The following KIAA1217 variants were observed in gnomAD, a reference collection of about 807,000 sequenced individuals.
KIAA1217 encodes KIAA1217.
A neutral mutation model predicts 163.9 loss-of-function variants in KIAA1217; 88 were observed. The observed-to-expected ratio is 0.54, with a 90% CI of 0.45 to 0.64. The LOEUF (loss-of-function observed/expected upper bound fraction) is 0.64, where lower values mean the gene tolerates loss of function less well. Ranked by LOEUF, KIAA1217 falls within the 30% of genes least tolerant of loss-of-function variation. The pLI, the probability that KIAA1217 is intolerant of heterozygous loss-of-function variation, is 0.00. For missense variants in KIAA1217, 2,372 were observed against 2,475.0 expected (o/e 0.96, Z 0.88); for synonymous variants, 903 against 923.1 (o/e 0.98, Z 0.39).
In KIAA1217 at chr10:23,796,655, G is replaced by A. The variant is rs186520209; in HGVS notation, c.-321+101421G>A. Among the ~76,000 whole-genome samples, 256 of 152,050 alleles carry A rather than the reference G, an allele frequency of 1.7e-3. 2 individuals carry two copies. The highest frequency in any genetic ancestry group is 3.8e-3 in the Admixed American group (58 of 15,228). ...TGGGATTATAGGCATGAATCACTGC[G>A]CCCGGCTGCTTTGTTTGTCTCTTAT... On this transcript the variant is annotated intron_variant, in intron 1 of 18. Transcript: ENST00000376462.
rs180879417 is a variant in KIAA1217, at chr10:24,416,792, G to A, written c.554-16203G>A. ...GCTTTGCAAGGAGGCTCAGGCACAC[G>A]TGAGTGATTTTCCTCAACTACACGG... On this transcript the variant is annotated intron_variant, in intron 3 of 20. Transcript: ENST00000376454. Among the ~76,000 whole-genome samples the A allele has an allele frequency of 1.2e-4, 19 of 152,106 alleles. 1 individual carries two copies. Among genetic ancestry groups the A allele is most frequent in the Admixed American group, 8.5e-4 (13 of 15,266 alleles).
At chr10:24,273,894 G>A (rs1046538081) in intron 2 of KIAA1217, among the ~76,000 whole-genome samples, 6 of 151,704 alleles carry the variant, frequency 4.0e-5, no homozygotes, top group African/African-American at 1.5e-4. Context: ...CAGGGATTGG[G>A]ACATCTTGCC....
intron 1 of KIAA1217, among the ~76,000 whole-genome samples, chr10:23,805,328 T>C (rs923230352): frequency 2.9e-4 from 44 of 152,204 alleles, no homozygotes; most frequent in African/African-American, 1.0e-3. Context: ...ACATGTATTA[T>C]GGACTACTGT....
chr10:23,840,696 T>C (rs1588923999), intron 1 of KIAA1217, among the ~76,000 whole-genome samples: 1 of 152,206 alleles, frequency 6.6e-6, no homozygotes, highest in African/African-American at 2.4e-5. Flanking sequence ...TTTCAGTATG[T>C]TTTAGTTGAT....
At position 24,542,955 on chromosome 10, in the gene KIAA1217, G is replaced by T; in HGVS notation, c.3685G>T (p.Ala1229Ser). Reference sequence around the variant, plus strand: ...AGGAATGGAGAATAGTATTTCTGATGCATCAAGAACATCAGAATATAAAAC... The same window carrying T: ...AGGAATGGAGAATAGTATTTCTGATTCATCAAGAACATCAGAATATAAAAC... The part of the protein sequence containing the change: ...ERGMENSISD[A>S]SRTSEYKTEI... Residue 1229 changes from alanine to serine, a missense_variant, in exon 19 of 21, where the codon GCA (alanine) becomes TCA (serine). Physicochemically the swap from Ala to Ser is moderately conservative, Grantham distance 99. Around this residue, in one of 3 missense-constraint regions of KIAA1217, gnomAD observed 251 missense variants for 327.3 expected, o/e 0.77. Coordinates refer to ENST00000376454, the MANE Select transcript of KIAA1217 (RefSeq NM_019590.5). The T allele has an allele frequency of 4.3e-6, 7 of 1,613,586 alleles. No individual in the cohort carries two copies. The highest frequency in any genetic ancestry group is 5.9e-6 in the Non-Finnish European group (7 of 1,179,624).
chr10:24,189,156 A>G (rs963108285), intron 2 of KIAA1217, among the ~76,000 whole-genome samples: 1 of 152,040 alleles, frequency 6.6e-6, no homozygotes, highest in African/African-American at 2.4e-5. Flanking sequence ...CTCACCTGGA[A>G]TCTGGGGATG....
At chr10:24,085,605 C>A (rs1424534599) in intron 2 of KIAA1217, among the ~76,000 whole-genome samples, 1 of 151,954 alleles carries the variant, frequency 6.6e-6, no homozygotes, top group Non-Finnish European at 1.5e-5. Context: ...TCTCTAGCAC[C>A]CTTGACCATG....
chr10:23,852,170 C>G (rs1023524930), intron 1 of KIAA1217, among the ~76,000 whole-genome samples: 1 of 152,156 alleles, frequency 6.6e-6, no homozygotes, highest in African/African-American at 2.4e-5. Context: ...AGTCTTTAAT[C>G]CATCTTGAAT....
At chr10:24,324,546 A>G (rs1365866293) in intron 2 of KIAA1217, among the ~76,000 whole-genome samples, 1 of 152,198 alleles carries the variant, frequency 6.6e-6, no homozygotes, top group Non-Finnish European at 1.5e-5. Flanking sequence ...CATCCTGGGC[A>G]ACAGAGCAAG....
chr10:24,462,028 GAT>G (rs1159013981), intron 5 of KIAA1217, among the ~76,000 whole-genome samples: 5 of 152,172 alleles, frequency 3.3e-5, no homozygotes, highest in African/African-American at 1.2e-4. Context: ...GCCTGTGACT[GAT>G]GATGACTTTG....
chr10:24,504,499 A>C (rs1038085399), intron 9 of KIAA1217, among the ~76,000 whole-genome samples: 2 of 152,222 alleles, frequency 1.3e-5, no homozygotes, highest in African/African-American at 4.8e-5. Flanking sequence ...TAATTAAGCT[A>C]TCTCGGCACC....
chr10:23,830,644 G>A (rs1370332902), intron 1 of KIAA1217, among the ~76,000 whole-genome samples: 4 of 151,916 alleles, frequency 2.6e-5, no homozygotes, highest in Admixed American at 2.6e-4. Context: ...GATGATAGAC[G>A]ATTGATAGAA....
chr10:23,947,366 G>A (rs1844103413), intron 1 of KIAA1217, among the ~76,000 whole-genome samples: 1 of 152,210 alleles, frequency 6.6e-6, no homozygotes. Flanking sequence ...ACTTTCAGCA[G>A]TAAGTATTGA....
intron 2 of KIAA1217, among the ~76,000 whole-genome samples, chr10:24,175,319 T>C (rs1418245745): frequency 6.6e-6 from 1 of 152,222 alleles, no homozygotes; most frequent in Non-Finnish European, 1.5e-5. Context: ...GAACATACAA[T>C]GTTCGGTTTT....
At chr10:24,450,163 G>A (rs142625620) in intron 5 of KIAA1217, among the ~76,000 whole-genome samples, 14 of 152,214 alleles carry the variant, frequency 9.2e-5, no homozygotes, top group Admixed American at 7.2e-4. Context: ...AGGCAAAGTC[G>A]ATAATTTGAA....
intron 2 of KIAA1217, among the ~76,000 whole-genome samples, chr10:24,088,187 G>C (rs1166677729): frequency 8.4e-6 from 1 of 118,996 alleles, no homozygotes; most frequent in African/African-American, 2.6e-5. Flanking sequence ...GAGGCACATG[G>C]ATCTCCTCTG....
intron 1 of KIAA1217, among the ~76,000 whole-genome samples, chr10:23,772,909 C>T (rs1451788262): frequency 6.6e-6 from 1 of 152,202 alleles, no homozygotes; most frequent in Non-Finnish European, 1.5e-5. Flanking sequence ...AACAGGGAGA[C>T]ACACCCTTGT....
rs61735612 is a variant in KIAA1217, at chr10:24,381,050, C to T, written c.536C>T (p.Thr179Met). The stretch of plus-strand genomic sequence containing the variant: ...CCTGTGGTGAGGTCAACCAACCAGA[C>T]GAAAGAAAGATCTCTGGGTAAGCTT... ...SLPVVRSTNQ[T>M]KERSLGVLYL... is the part of the protein sequence containing the mutation. Residue 179 changes from threonine (T) to methionine (M), a missense_variant, in exon 3 of 21, where the codon ACG (threonine) becomes ATG (methionine). By Grantham distance (81) the Thr-to-Met change is moderately conservative. Coordinates refer to ENST00000376454, the MANE Select transcript of KIAA1217 (RefSeq NM_019590.5). 122 of 1,566,842 alleles carry T rather than the reference C, an allele frequency of 7.8e-5. No individual in the cohort carries two copies. The highest frequency in any genetic ancestry group is 2.5e-4 in the Admixed American group (13 of 52,490).
intron 1 of KIAA1217, among the ~76,000 whole-genome samples, chr10:23,948,179 T>C (rs1844148678): frequency 6.6e-6 from 1 of 152,166 alleles, no homozygotes; most frequent in Non-Finnish European, 1.5e-5. Flanking sequence ...AAATCCCAGC[T>C]CTCACCAGCT....
Sources: gnomAD v4.1 joint callset for allele counts (sites outside exome capture counted in the v4.1 genomes callset) on GRCh38, gnomAD v4.1.1 for gene constraint, gnomAD v4.1.1 regional missense constraint, MANE v1.5 for transcripts, NCBI Gene and HGNC (gene_info 2026-07-23, HGNC 2026-07-21) for gene names.